The following ASIC2 variants were observed in gnomAD, a reference collection of about 807,000 sequenced individuals.
ASIC2 encodes acid-sensing ion channel 2.
ASIC2 carries 25 observed loss-of-function variants against 57.3 expected under a neutral mutation model. The observed-to-expected ratio is 0.44, with a 90% confidence interval of 0.32 to 0.61. The LOEUF (loss-of-function observed/expected upper bound fraction) is 0.61, where lower values mean the gene tolerates loss of function less well. ASIC2 is among the 20% of genes least tolerant of loss of function. The pLI, the probability that ASIC2 is intolerant of heterozygous loss-of-function variation, is 0.06. For synonymous variants in ASIC2, 319 were observed against 307.5 expected, an observed-to-expected ratio of 1.04 and a Z score of -0.39; for missense variants, 641 against 738.1, an observed-to-expected ratio of 0.87 and a Z score of 1.52.
intron 1 of ASIC2, among the ~76,000 whole-genome samples, chr17:33,399,113 G>A (rs1172816377): frequency 6.6e-6 from 1 of 152,160 alleles, no homozygotes; most frequent in African/African-American, 2.4e-5. Context: ...AAAGAGGAAG[G>A]ATCAGATGGT....
chr17:33,244,984 A>G (rs1314219255), intron 1 of ASIC2, among the ~76,000 whole-genome samples: 1 of 152,198 alleles, frequency 6.6e-6, no homozygotes, highest in African/African-American at 2.4e-5. Flanking sequence ...CCACATAACA[A>G]AAGCGTTAAA....
At chr17:33,687,935 T>C (rs1242577133) in intron 1 of ASIC2, among the ~76,000 whole-genome samples, 1 of 152,180 alleles carries the variant, frequency 6.6e-6, no homozygotes, top group Non-Finnish European at 1.5e-5. Flanking sequence ...TCACTAGTAT[T>C]TGTGGGACCG....
intron 1 of ASIC2, among the ~76,000 whole-genome samples, chr17:33,715,608 G>A (rs756710496): frequency 1.2e-4 from 19 of 152,198 alleles, no homozygotes; most frequent in Non-Finnish European, 2.2e-4. Flanking sequence ...GAGCAAGAGG[G>A]AAGGAGTGGC....
intron 1 of ASIC2, among the ~76,000 whole-genome samples, chr17:34,116,324 G>A (rs965768234): frequency 6.6e-6 from 1 of 152,114 alleles, no homozygotes; most frequent in Non-Finnish European, 1.5e-5. Flanking sequence ...TCCCTCCTCA[G>A]GTGGCTATTA....
intron 3 of ASIC2, among the ~76,000 whole-genome samples, chr17:33,036,584 C>A (rs2091909406): frequency 1.4e-5 from 2 of 142,866 alleles, no homozygotes; most frequent in African/African-American, 5.3e-5. Flanking sequence ...GGATGTGCCA[C>A]CACAGCCAGC....
chr17:33,658,568 CTG>C (rs1907149694), intron 1 of ASIC2, among the ~76,000 whole-genome samples: 1 of 152,162 alleles, frequency 6.6e-6, no homozygotes, highest in Non-Finnish European at 1.5e-5. Flanking sequence ...CTGGCAGATT[CTG>C]TGTCTGGTGA....
chr17:33,542,994 G>A (rs1294902977), intron 1 of ASIC2, among the ~76,000 whole-genome samples: 3 of 151,692 alleles, frequency 2.0e-5, no homozygotes. Context: ...TAGGGACATG[G>A]ATGAAATTGG....
At chr17:33,371,448 T>C (rs147293400) in intron 1 of ASIC2, among the ~76,000 whole-genome samples, 2 of 152,346 alleles carry the variant, frequency 1.3e-5, no homozygotes, top group African/African-American at 4.8e-5. Flanking sequence ...AGGAAGCCAC[T>C]GAAAAACTAC....
chr17:34,092,773 C>A (rs896046664), intron 1 of ASIC2, among the ~76,000 whole-genome samples: 4 of 152,114 alleles, frequency 2.6e-5, no homozygotes, highest in African/African-American at 4.8e-5. Flanking sequence ...TAGCTGAAGC[C>A]CTCCATGGCT....
chr17:33,188,291 C>T (rs1906280918), intron 1 of ASIC2, among the ~76,000 whole-genome samples: 1 of 151,840 alleles, frequency 6.6e-6, no homozygotes, highest in African/African-American at 2.4e-5. Context: ...AGTTAAAAGA[C>T]AAAATAAAAA....
intron 1 of ASIC2, among the ~76,000 whole-genome samples, chr17:33,942,247 T>C (rs1916209166): frequency 6.6e-6 from 1 of 152,006 alleles, no homozygotes; most frequent in African/African-American, 2.4e-5. Flanking sequence ...GCTTGATAGG[T>C]GGGTTCCTGC....
intron 1 of ASIC2, among the ~76,000 whole-genome samples, chr17:33,184,197 G>A (rs574144969): frequency 8.3e-4 from 127 of 152,212 alleles, no homozygotes; most frequent in African/African-American, 3.0e-3. Context: ...GACTCAGATG[G>A]TATAGTATAA....
At chr17:33,598,464 G>T (rs748041763) in intron 1 of ASIC2, among the ~76,000 whole-genome samples, 3 of 152,168 alleles carry the variant, frequency 2.0e-5, no homozygotes, top group Non-Finnish European at 4.4e-5. Context: ...AGACCCAATA[G>T]GTTCCCAGTG....
At chr17:33,626,330 C>T (rs1905982575) in intron 1 of ASIC2, among the ~76,000 whole-genome samples, 1 of 152,084 alleles carries the variant, frequency 6.6e-6, no homozygotes, top group Admixed American at 6.5e-5. Flanking sequence ...TATTCATTTA[C>T]CACGTATGTT....
chr17:33,773,390 A>C (rs1406741660), intron 1 of ASIC2, among the ~76,000 whole-genome samples: 1 of 152,154 alleles, frequency 6.6e-6, no homozygotes, highest in Admixed American at 6.5e-5. Context: ...CTGCTGCTCA[A>C]CTGAGCAGAG....
At chr17:33,555,669 C>A (rs368838965) in intron 1 of ASIC2, among the ~76,000 whole-genome samples, 3 of 152,094 alleles carry the variant, frequency 2.0e-5, no homozygotes, top group African/African-American at 7.2e-5. Context: ...GGAGCTTATG[C>A]TCAGGTTACC....
At chr17:34,077,976 G>A (rs1392893032) in intron 1 of ASIC2, among the ~76,000 whole-genome samples, 1 of 152,008 alleles carries the variant, frequency 6.6e-6, no homozygotes. Context: ...AGTTATAGAG[G>A]GCCAGCTCTA....
At chr17:33,441,799 C>T (rs1403993576) in intron 1 of ASIC2, among the ~76,000 whole-genome samples, 1 of 152,158 alleles carries the variant, frequency 6.6e-6, no homozygotes, top group East Asian at 1.9e-4. Flanking sequence ...CATACTTCTG[C>T]ACAACTGTCT....
chr17:33,357,417 A>C (rs1286176005), intron 1 of ASIC2, among the ~76,000 whole-genome samples: 3 of 152,166 alleles, frequency 2.0e-5, no homozygotes, highest in African/African-American at 7.2e-5. Flanking sequence ...AACTGGCCAG[A>C]CTTAAATTTG....
Sources: gnomAD v4.1 joint callset for allele counts (sites outside exome capture counted in the v4.1 genomes callset) on GRCh38, gnomAD v4.1.1 for gene constraint, MANE v1.5 for transcripts, NCBI Gene and HGNC (gene_info 2026-07-23, HGNC 2026-07-21) for gene names.